Variants in JMJD1C observed in about 807,000 individuals in gnomAD.
JMJD1C encodes the protein jumonji domain-containing protein 1C.
JMJD1C carries 31 observed loss-of-function variants against 245.3 expected under a neutral mutation model. The ratio of observed to expected loss-of-function variants is 0.13; its 90% CI spans 0.09 to 0.17. The LOEUF (loss-of-function observed/expected upper bound fraction) is 0.17. JMJD1C is among the 10% of genes least tolerant of loss of function. The probability of loss-of-function intolerance (pLI) is 1.00; values close to 1 mark genes in which losing one functional copy is unlikely to be tolerated. For missense variants in JMJD1C, 2,691 were observed against 3,000.2 expected (o/e 0.90, Z 2.41); for synonymous variants, 1,057 against 1,017.4 (o/e 1.04, Z -0.74).
At chr10:63,480,402 C>T (rs1953795560) in intron 1 of JMJD1C, among the ~76,000 whole-genome samples, 1 of 151,044 alleles carries the variant, frequency 6.6e-6, no homozygotes, top group South Asian at 2.1e-4. Context: ...CACTGTACTT[C>T]GAACTCCTTG....
intron 1 of JMJD1C, among the ~76,000 whole-genome samples, chr10:63,500,746 A>AGGATTGATGGATGGAT (rs1954524367): frequency 8.9e-6 from 1 of 112,068 alleles, no homozygotes. Context: ...GATGGATGGA[A>AGGATTGATGGATGGAT]GGATGGATGG....
At chr10:63,260,396 G>A (rs1039168004) in intron 3 of JMJD1C, among the ~76,000 whole-genome samples, 2 of 152,106 alleles carry the variant, frequency 1.3e-5, no homozygotes, top group African/African-American at 4.8e-5. Flanking sequence ...GTGTGTGCAC[G>A]GCCAGTAGCC....
chr10:63,375,688 C>T (rs934569375), intron 2 of JMJD1C, among the ~76,000 whole-genome samples: 1 of 151,994 alleles, frequency 6.6e-6, no homozygotes, highest in Non-Finnish European at 1.5e-5. Flanking sequence ...GTAGCTGAGA[C>T]TATAGGCGTG....
At chr10:63,253,614 GA>G (rs1355445080) in intron 3 of JMJD1C, among the ~76,000 whole-genome samples, 2 of 152,130 alleles carry the variant, frequency 1.3e-5, no homozygotes, top group African/African-American at 4.8e-5. Context: ...TTGAACTCCT[GA>G]ACTCAGGTGA....
At chr10:63,376,481 A>T (rs1331573121) in intron 2 of JMJD1C, among the ~76,000 whole-genome samples, 1 of 152,196 alleles carries the variant, frequency 6.6e-6, no homozygotes, top group Non-Finnish European at 1.5e-5. Flanking sequence ...CACAGTAAAA[A>T]GGCAACCTGT....
rs749293421 is a variant in JMJD1C, at chr10:63,214,727, A to G, written c.1440T>C (p.Pro480=). Residue 480 remains proline (P), a synonymous_variant, in exon 8 of 26, where the codon CCT becomes CCC. Coordinates refer to ENST00000399262, the MANE Select transcript of JMJD1C (RefSeq NM_032776.3). ...GTGTTTTATCCATATTGCATTCCTGAGGAAGTAAATCATTAGAATTATGAT... is the reference window on the plus strand; with the variant it reads ...GTGTTTTATCCATATTGCATTCCTGGGGAAGTAAATCATTAGAATTATGAT... ...VSDHNSNDLL[P]QECNMDKTHT... 6.2e-7 allele frequency: 1 copy of G among 1,613,984 alleles called. No homozygotes were observed. Among genetic ancestry groups the G allele is most frequent in the Non-Finnish European group, 8.5e-7 (1 of 1,179,938 alleles).
intron 2 of JMJD1C, among the ~76,000 whole-genome samples, chr10:63,351,109 C>T (rs1338984301): frequency 6.9e-6 from 1 of 145,696 alleles, no homozygotes; most frequent in Non-Finnish European, 1.5e-5. Flanking sequence ...GATGGAGTCT[C>T]GCTCTATCAC....
intron 24 of JMJD1C, among the ~76,000 whole-genome samples, chr10:63,169,815 A>G (rs1377877941): frequency 2.6e-5 from 4 of 152,208 alleles, no homozygotes; most frequent in Non-Finnish European, 4.4e-5. Flanking sequence ...TGTCTGTAGA[A>G]CAGATGCTCT....
chr10:63,185,693 G>A (rs774018251), intron 19 of JMJD1C, 40 bp from the exon 20 acceptor site: 15 of 1,121,792 alleles, frequency 1.3e-5, no homozygotes, highest in Non-Finnish European at 2.0e-5. Context: ...GGTAATTTCT[G>A]CCTTTTTATC....
chr10:63,394,450 T>G (rs1279539233), intron 1 of JMJD1C, among the ~76,000 whole-genome samples: 11 of 152,176 alleles, frequency 7.2e-5, no homozygotes, highest in Non-Finnish European at 1.5e-4. Context: ...AAATCAGACT[T>G]ACACGTATAA....
In JMJD1C at chr10:63,167,434, T is replaced by TTAAA. The variant is rs1393228227; in HGVS notation, c.*607_*610dup. 6.6e-6 allele frequency: 1 copy of TTAAA among 152,626 alleles called. No homozygotes were observed. The highest frequency in any genetic ancestry group is 1.5e-5 in the Non-Finnish European group (1 of 68,038). 9.5% of individuals were successfully genotyped at this position (152,626 alleles called of 1,614,324 possible). On this transcript the variant is annotated 3_prime_UTR_variant, in exon 26 of 26. Transcript: ENST00000399262. Reference sequence around the variant, plus strand: ...TAAATTTTACCAAAATGAGACAATTTTAAATAAATTACACCTTTTGAAAAT... The same window carrying TTAAA: ...TAAATTTTACCAAAATGAGACAATTTTAAATAAATAAATTACACCTTTTGAAAAT...
At chr10:63,310,757 T>C (rs1006132510) in intron 2 of JMJD1C, among the ~76,000 whole-genome samples, 1 of 151,326 alleles carries the variant, frequency 6.6e-6, no homozygotes, top group African/African-American at 2.4e-5. Context: ...CTACAAATCA[T>C]TTTTTTTTAA....
chr10:63,277,305 T>C (rs1856890581), intron 2 of JMJD1C, among the ~76,000 whole-genome samples: 1 of 148,958 alleles, frequency 6.7e-6, no homozygotes, highest in East Asian at 2.0e-4. Flanking sequence ...CCCAGAAGCT[T>C]GGGGCTTTTA....
At chr10:63,275,743 A>G (rs1856715743) in intron 2 of JMJD1C, among the ~76,000 whole-genome samples, 1 of 152,228 alleles carries the variant, frequency 6.6e-6, no homozygotes, top group Admixed American at 6.5e-5. Flanking sequence ...AATTTGTAAA[A>G]TAAATGCATG....
chr10:63,321,319 A>G (rs1200996157), intron 2 of JMJD1C, among the ~76,000 whole-genome samples: 2 of 152,250 alleles, frequency 1.3e-5, no homozygotes, highest in African/African-American at 4.8e-5. Context: ...TGATCAGTGA[A>G]TTTTATAGCT....
chr10:63,220,982 G>A (rs1429718363), intron 3 of JMJD1C, among the ~76,000 whole-genome samples: 5 of 151,938 alleles, frequency 3.3e-5, no homozygotes, highest in Non-Finnish European at 7.4e-5. Flanking sequence ...GTGGTGGTGG[G>A]AGCCTGTAGT....
At chr10:63,484,241 GATAGATAGATAGATAGATA>G (rs1564963385) in intron 1 of JMJD1C, among the ~76,000 whole-genome samples, 1 of 45,618 alleles carries the variant, frequency 2.2e-5, no homozygotes, top group African/African-American at 7.5e-5. Flanking sequence ...TGGATGGATA[GATAGATAGATAGATAGATA>G]GATAGATAGA....
intron 18 of JMJD1C, among the ~76,000 whole-genome samples, chr10:63,187,015 C>T (rs1236092081): frequency 6.6e-6 from 1 of 152,142 alleles, no homozygotes; most frequent in East Asian, 1.9e-4. Context: ...CAGCAAAACC[C>T]TGTCTCCAGA....
intron 3 of JMJD1C, among the ~76,000 whole-genome samples, chr10:63,255,419 T>A (rs894908607): frequency 6.6e-6 from 1 of 152,190 alleles, no homozygotes; most frequent in Non-Finnish European, 1.5e-5. Flanking sequence ...ACTAGTGTTA[T>A]GAGAAGCAGT....
Sources: gnomAD v4.1 joint callset for allele counts (sites outside exome capture counted in the v4.1 genomes callset) on GRCh38, gnomAD v4.1.1 for gene constraint, MANE v1.5 for transcripts, NCBI Gene and HGNC (gene_info 2026-07-23, HGNC 2026-07-21) for gene names.